The following TENM1 variants were observed in gnomAD, a reference collection of about 807,000 sequenced individuals.
TENM1 encodes the protein teneurin transmembrane protein 1, also known as teneurin-1.
A neutral mutation model predicts 174.8 loss-of-function variants in TENM1; 35 were observed. That is an observed-to-expected ratio of 0.20 (90% CI 0.15 to 0.27). The LOEUF (loss-of-function observed/expected upper bound fraction) is 0.27, where lower values mean the gene tolerates loss of function less well. Among genes scored for constraint, TENM1 ranks in the 10% least tolerant of loss-of-function variants. The pLI is 1.00. For missense variants in TENM1, 1,633 were observed against 2,130.1 expected (o/e 0.77, Z 4.59); for synonymous variants, 781 against 798.7 (o/e 0.98, Z 0.37).
At chrX:124,763,123 G>A (rs780910790) in intron 3 of TENM1, among the ~76,000 whole-genome samples, 1 of 111,226 alleles carries the variant, frequency 9.0e-6, no homozygotes, top group Non-Finnish European at 1.9e-5. Context: ...TTAATACAAT[G>A]GAATGATGAG....
chrX:124,691,158 T>C (rs189551404), intron 5 of TENM1, among the ~76,000 whole-genome samples: 1 of 111,854 alleles, frequency 8.9e-6, no homozygotes, highest in African/African-American at 3.2e-5. Context: ...GGAATTATTA[T>C]AGCAAAACCA....
chrX:125,064,007 G>T, the TENM1 span, among the ~76,000 whole-genome samples: 1 of 111,230 alleles, frequency 9.0e-6, no homozygotes, highest in African/African-American at 3.3e-5. Context: ...CATGTCCTTT[G>T]TAGGGGCATG....
At chrX:124,955,225 C>T (rs1460675729) in intron 1 of TENM1, among the ~76,000 whole-genome samples, 1 of 108,673 alleles carries the variant, frequency 9.2e-6, no homozygotes, top group African/African-American at 3.6e-5. Context: ...ATCTTGGATG[C>T]ACATTGGCAT....
chrX:124,392,314 T>A, exon 28 of TENM1: 3 of 1,207,872 alleles, frequency 2.5e-6, no homozygotes, highest in Non-Finnish European at 3.4e-6. Flanking sequence ...GGTTATATGA[T>A]CAAAATCTAT....
intron 11 of TENM1, among the ~76,000 whole-genome samples, chrX:124,626,090 A>C (rs2050629840): frequency 9.0e-6 from 1 of 111,263 alleles, no homozygotes; most frequent in Non-Finnish European, 1.9e-5. Flanking sequence ...TGAGTGAGAA[A>C]AGGCATGTCT....
the TENM1 span, among the ~76,000 whole-genome samples, chrX:125,112,695 T>C: frequency 8.9e-6 from 1 of 112,011 alleles, no homozygotes; most frequent in Non-Finnish European, 1.9e-5. Context: ...TTTCACTGTC[T>C]CTTCTCTCTT....
rs185701097 is a variant in TENM1, at chrX:124,596,537, G to A, written c.2078-30977C>T. On this transcript the variant is annotated intron_variant, in intron 11 of 31. Coordinates refer to ENST00000422452, the Ensembl canonical transcript of TENM1. ...CAGAGTGCAATGGGAGACTGTCACA[G>A]GGTGACCTAATTTAATTTGAAGGTG... Among the ~76,000 whole-genome samples the A allele has an allele frequency of 1.6e-4, 18 of 112,305 alleles. No individual in the cohort carries two copies. In the Admixed American group the frequency reaches 1.7e-3, roughly 11 times the overall value.
the TENM1 span, among the ~76,000 whole-genome samples, chrX:125,022,177 A>G: frequency 2.7e-5 from 3 of 112,152 alleles, no homozygotes; most frequent in African/African-American, 9.7e-5. Flanking sequence ...TAATAAGTTT[A>G]TCCACAAGGA....
intron 3 of TENM1, among the ~76,000 whole-genome samples, chrX:124,865,697 T>C (rs745986699): frequency 5.4e-5 from 6 of 110,976 alleles, no homozygotes; most frequent in African/African-American, 2.0e-4. Context: ...TGGACTAAAC[T>C]CTCCAATCAA....
At chrX:124,674,286 C>G (rs988229849) in intron 5 of TENM1, among the ~76,000 whole-genome samples, 2 of 44,241 alleles carry the variant, frequency 4.5e-5, no homozygotes, top group African/African-American at 9.5e-5. Context: ...CAACATCAAC[C>G]AAATCCTATC....
the TENM1 span, among the ~76,000 whole-genome samples, chrX:125,069,547 T>A: frequency 9.0e-6 from 1 of 110,888 alleles, no homozygotes; most frequent in Admixed American, 9.7e-5. Context: ...ATGATAGTTC[T>A]AATGAAACCA....
chrX:124,785,202 C>G lies in TENM1; in HGVS notation c.536-48005G>C, dbSNP rs182792507. Among the ~76,000 whole-genome samples, 4 of 111,772 alleles carry G rather than the reference C, an allele frequency of 3.6e-5. No homozygotes were observed. The East Asian group carries it at 1.1e-3, about 31-fold the overall frequency. On this transcript the variant is annotated intron_variant, in intron 3 of 31. Coordinates refer to ENST00000422452, the Ensembl canonical transcript of TENM1. ...GCCCATTCTAAGTAATAATCTGTAACTGAGTGGTCAAGTATTTTAGGAACA... is the reference window on the plus strand; with the variant it reads ...GCCCATTCTAAGTAATAATCTGTAAGTGAGTGGTCAAGTATTTTAGGAACA...
intron 11 of TENM1, among the ~76,000 whole-genome samples, chrX:124,577,762 G>C (rs1230876982): frequency 9.0e-6 from 1 of 111,423 alleles, no homozygotes. Context: ...TATCAATCTA[G>C]GTACATTTAC....
At chrX:124,520,457 C>G in intron 18 of TENM1, 60 bp downstream of exon 21, 1 of 977,555 alleles carries the variant, frequency 1.0e-6, no homozygotes, top group Non-Finnish European at 1.4e-6. Flanking sequence ...TAACATGTAA[C>G]AAGTATTTTC....
At chrX:125,123,473 G>A in the TENM1 span, among the ~76,000 whole-genome samples, 2 of 109,663 alleles carry the variant, frequency 1.8e-5, no homozygotes, top group Non-Finnish European at 3.8e-5. Context: ...GCCAGGAGTG[G>A]TGGTGTGCAC....
chrX:124,723,603 GTT>G (rs1198093791), intron 4 of TENM1, among the ~76,000 whole-genome samples: 6,905 of 74,275 alleles, frequency 0.093, 293 homozygotes, highest in African/African-American at 0.21. Flanking sequence ...TTTTTTTTTT[GTT>G]TTTTTTTTTT....
intron 25 of TENM1, among the ~76,000 whole-genome samples, chrX:124,418,646 T>C (rs2060619439): frequency 8.9e-6 from 1 of 111,836 alleles, no homozygotes; most frequent in Non-Finnish European, 1.9e-5. Context: ...CCTAGAACAT[T>C]GTATGGTATG....
the TENM1 span, among the ~76,000 whole-genome samples, chrX:125,095,983 T>G: frequency 8.9e-6 from 1 of 111,990 alleles, no homozygotes; most frequent in Non-Finnish European, 1.9e-5. Flanking sequence ...CTGAAAAATT[T>G]TTTACTAATT....
chrX:125,044,790 C>T, the TENM1 span, among the ~76,000 whole-genome samples: 1 of 111,073 alleles, frequency 9.0e-6, no homozygotes, highest in Non-Finnish European at 1.9e-5. Context: ...GGAAAGCTAA[C>T]ATACTACCAA....
Sources: gnomAD v4.1 joint callset for allele counts (sites outside exome capture counted in the v4.1 genomes callset) on GRCh38, gnomAD v4.1.1 for gene constraint, MANE v1.5 for transcripts, NCBI Gene and HGNC (gene_info 2026-07-23, HGNC 2026-07-21) for gene names.